ZFR: variants seen among roughly 807,000 people sequenced by gnomAD.
ZFR encodes zinc finger RNA binding protein.
ZFR carries 19 observed loss-of-function variants against 130.7 expected under a neutral mutation model. The ratio of observed to expected loss-of-function variants is 0.15; its 90% confidence interval spans 0.10 to 0.21. The LOEUF (loss-of-function observed/expected upper bound fraction) is 0.21. Among genes scored for constraint, ZFR ranks in the 10% least tolerant of loss-of-function variants. ZFR has a pLI of 1.00. For synonymous variants in ZFR, 466 were observed against 456.9 expected, an observed-to-expected ratio of 1.02 and a Z score of -0.25; for missense variants, 872 against 1,321.5, an observed-to-expected ratio of 0.66 and a Z score of 5.27.
chr5:32,371,802 G>T (rs1488627664), intron 17 of ZFR, among the ~76,000 whole-genome samples: 1 of 151,844 alleles, frequency 6.6e-6, no homozygotes, highest in Admixed American at 6.6e-5. Flanking sequence ...AAATGCATTT[G>T]GCTAAAATGC....
chr5:32,426,765 T>TG (rs945582632), intron 2 of ZFR, among the ~76,000 whole-genome samples: 1 of 152,122 alleles, frequency 6.6e-6, no homozygotes, highest in Non-Finnish European at 1.5e-5. Flanking sequence ...TAGCCATACA[T>TG]GCTGGCATGT....
intron 14 of ZFR, among the ~76,000 whole-genome samples, 159 bp downstream of exon 14, chr5:32,387,390 T>C (rs1447219238): frequency 1.3e-5 from 2 of 152,072 alleles, no homozygotes; most frequent in East Asian, 1.9e-4. Flanking sequence ...AAGTAGAAAA[T>C]AGTTTCATCA....
At position 32,443,183 on chromosome 5, in the gene ZFR, C is replaced by T. The variant is rs1377123091; in HGVS notation, c.137+1046G>A. Among the ~76,000 whole-genome samples, 15 of 150,974 alleles carry T rather than the reference C, an allele frequency of 9.9e-5. No individual in the cohort carries two copies. The Admixed American group carries it at 1.0e-3, about 10-fold the overall frequency. The stretch of plus-strand genomic sequence containing the variant: ...CTGCCTGGGTTTAACCAACATCTAA[C>T]ATACATAAAAAGCATATCACGCAGG... On this transcript the variant is annotated intron_variant, in intron 2 of 19. Transcript: ENST00000265069.
chr5:32,386,759 C>T (rs1458162020), intron 14 of ZFR, among the ~76,000 whole-genome samples: 1 of 151,996 alleles, frequency 6.6e-6, no homozygotes, highest in Non-Finnish European at 1.5e-5. Context: ...CTTCATTGTC[C>T]CTTTTGTCAT....
At chr5:32,378,604 A>G (rs1255306152) in intron 17 of ZFR, among the ~76,000 whole-genome samples, 1 of 152,186 alleles carries the variant, frequency 6.6e-6, no homozygotes, top group Non-Finnish European at 1.5e-5. Flanking sequence ...TTTTTCTCCT[A>G]GAAGAAATCA....
intron 9 of ZFR, among the ~76,000 whole-genome samples, chr5:32,399,146 G>A (rs1259239134): frequency 1.3e-5 from 2 of 151,818 alleles, no homozygotes; most frequent in Non-Finnish European, 2.9e-5. Flanking sequence ...GTGGTGGCAT[G>A]CACCTGTAAT....
At chr5:32,364,116 A>G (rs771722927) in intron 18 of ZFR, 48 bp downstream of exon 18, 1 of 1,599,248 alleles carries the variant, frequency 6.3e-7, no homozygotes, top group Non-Finnish European at 8.6e-7. Flanking sequence ...TTCAACCAGC[A>G]AATGAGTAAA....
chr5:32,398,712 A>T (rs1383836985), intron 9 of ZFR, among the ~76,000 whole-genome samples: 1 of 152,040 alleles, frequency 6.6e-6, no homozygotes, highest in Non-Finnish European at 1.5e-5. Context: ...TGTGAGACAG[A>T]GTCTCACTCT....
At chr5:32,439,915 A>G (rs909318414) in intron 2 of ZFR, among the ~76,000 whole-genome samples, 4 of 151,608 alleles carry the variant, frequency 2.6e-5, no homozygotes, top group African/African-American at 9.7e-5. Flanking sequence ...TTATAAATGT[A>G]TATGCCACGA....
chr5:32,358,707 T>A (rs561891848), intron 19 of ZFR, among the ~76,000 whole-genome samples: 6 of 151,512 alleles, frequency 4.0e-5, no homozygotes, highest in African/African-American at 1.2e-4. Context: ...ACTTTTTTTT[T>A]AAATTAAAAA....
chr5:32,420,260 C>T (rs139755109), intron 2 of ZFR, among the ~76,000 whole-genome samples, 157 bp from the exon 3 acceptor site: 12 of 152,168 alleles, frequency 7.9e-5, no homozygotes, highest in African/African-American at 2.9e-4. Flanking sequence ...AATAAACTTC[C>T]TATTCAATAT....
intron 14 of ZFR, among the ~76,000 whole-genome samples, chr5:32,385,874 G>T (rs1266712067): frequency 6.6e-6 from 1 of 152,006 alleles, no homozygotes; most frequent in Non-Finnish European, 1.5e-5. Context: ...TGTTTGTATT[G>T]TGAGTTATTT....
chr5:32,396,712 C>A (rs1753322622), intron 10 of ZFR, among the ~76,000 whole-genome samples: 1 of 152,098 alleles, frequency 6.6e-6, no homozygotes, highest in Non-Finnish European at 1.5e-5. Flanking sequence ...CCACTGCACT[C>A]CAGCCTTGGC....
intron 15 of ZFR, 106 bp from the exon 16 acceptor site, chr5:32,380,278 C>T: frequency 3.0e-6 from 2 of 660,310 alleles, no homozygotes; most frequent in Middle Eastern, 2.6e-4. Flanking sequence ...CATTTGAGAG[C>T]TTGTTGGCAC....
Position 32,380,137 on chromosome 5 carries a change from C to T in ZFR, c.2677G>A (p.Val893Ile), listed in dbSNP as rs1403688427. The change falls in exon 16 of 20, where the codon GTC becomes ATC. Residue 893 changes from valine (V) to isoleucine (I), a missense_variant. Transcript: ENST00000265069. The stretch of plus-strand genomic sequence containing the variant: ...TCAAGGCATTTTTGCCTGTCCAAGA[C>T]GTCCGGTGGGTCTTTCACCATACCC... ...TSGMVKDPPD[V>I]LDRQKCLDAL... 1.9e-6 allele frequency: 3 copies of T among 1,614,080 alleles called. No individual in the cohort carries two copies. Among genetic ancestry groups the T allele is most frequent in the South Asian group, 2.2e-5 (2 of 91,084 alleles).
chr5:32,409,425 A>AC (rs1037073517), intron 5 of ZFR, among the ~76,000 whole-genome samples: 5 of 142,596 alleles, frequency 3.5e-5, no homozygotes, highest in South Asian at 2.2e-4. Flanking sequence ...CCACCGCCCC[A>AC]CCCCCCCATT....
chr5:32,363,813 C>CA (rs938302971), intron 19 of ZFR, 135 bp downstream of exon 19: 4 of 635,682 alleles, frequency 6.3e-6, no homozygotes, highest in African/African-American at 5.6e-5. Flanking sequence ...AATATCCTTT[C>CA]TAGGGGCTTG....
chr5:32,402,028 C>T (rs769043425), intron 8 of ZFR, among the ~76,000 whole-genome samples: 2 of 152,116 alleles, frequency 1.3e-5, no homozygotes, highest in South Asian at 2.1e-4. Flanking sequence ...GCATCCACAC[C>T]GCCATATAAA....
Position 32,422,966 on chromosome 5 carries a change from T to C in ZFR, c.138-2863A>G, listed in dbSNP as rs116456564. Among the ~76,000 whole-genome samples the C allele has an allele frequency of 4.8e-3, 737 of 152,152 alleles. 7 individuals carry two copies. Among genetic ancestry groups the C allele is most frequent in the African/African-American group, 0.017 (694 of 41,500 alleles). ...CTCAAGAAATGGCCAGCTCCTTACC[T>C]ACTTATCAACAACAACAAAAAGTGA... is the stretch of plus-strand genomic sequence containing the variant. On this transcript the variant is annotated intron_variant, in intron 2 of 19. Transcript: ENST00000265069.
Sources: allele counts gnomAD v4.1 joint callset (sites outside exome capture counted in the v4.1 genomes callset), GRCh38; gene constraint gnomAD v4.1.1; transcripts MANE v1.5; gene names NCBI Gene and HGNC (gene_info 2026-07-23, HGNC 2026-07-21).